GGACT: variants seen among roughly 807,000 people sequenced by gnomAD.
GGACT encodes gamma-glutamylaminecyclotransferase.
For synonymous variants in GGACT, 118 were observed against 115.3 expected (o/e 1.02, Z -0.15); for missense variants, 241 against 233.2 (o/e 1.03, Z -0.22).
intron 2 of GGACT, among the ~76,000 whole-genome samples, chr13:100,579,494 A>C (rs1875350033): frequency 1.3e-5 from 2 of 152,064 alleles, no homozygotes; most frequent in African/African-American, 4.8e-5. Context: ...ATAAAACCTA[A>C]AAATACTACT....
rs373993016 is a variant in GGACT, at chr13:100,532,469, C to A, written c.123G>T (p.Pro41=). ...TGTTGTGCTCCCCCGCGATCACCAACGGGTAGGGCTCCAGCGTGCGGCCGC... is the reference window on the plus strand; with the variant it reads ...TGTTGTGCTCCCCCGCGATCACCAAAGGGTAGGGCTCCAGCGTGCGGCCGC... The part of the protein sequence containing the change: ...RARGRTLEPY[P]LVIAGEHNIP... Residue 41 remains proline, a synonymous_variant, in exon 3 of 3, where the codon CCG becomes CCT. Coordinates refer to ENST00000683975, the MANE Select transcript of GGACT (RefSeq NM_001195087.2). 4.5e-6 allele frequency: 7 copies of A among 1,549,554 alleles called. No individual in the cohort carries two copies. The highest frequency in any genetic ancestry group is 6.1e-6 in the Non-Finnish European group (7 of 1,146,638).
At chr13:100,573,167 G>A (rs1875137876) in intron 2 of GGACT, among the ~76,000 whole-genome samples, 1 of 152,138 alleles carries the variant, frequency 6.6e-6, no homozygotes, top group Non-Finnish European at 1.5e-5. Flanking sequence ...GACACCCACA[G>A]TCCACTGGAC....
chr13:100,557,955 G>A (rs4278611), intron 2 of GGACT, among the ~76,000 whole-genome samples: 76,397 of 151,868 alleles, frequency 0.5, 19,820 homozygotes, highest in South Asian at 0.73. Flanking sequence ...AGGCCGAGGC[G>A]GGCGGATCAC....
chr13:100,530,384 TGA>T lies in GGACT; in HGVS notation c.*1744_*1745del, dbSNP rs2088320265. 1 of 610,534 alleles carries T rather than the reference TGA, an allele frequency of 1.6e-6. No individual in the cohort carries two copies. Among genetic ancestry groups the T allele is most frequent in the East Asian group, 2.8e-5 (1 of 35,894 alleles). 37.8% of individuals were successfully genotyped at this position (610,534 alleles called of 1,614,324 possible). A position where few individuals can be genotyped will look rare whatever the true frequency, so the allele number is the denominator to read the frequency against. ...GTACATATGATTTGTACTTCTGCTG[TGA>T]GATTCCCTAGTGTCAAAATTAAATC... is the stretch of plus-strand genomic sequence containing the variant. On this transcript the variant is annotated 3_prime_UTR_variant, in exon 3 of 3. Transcript: ENST00000683975.
intron 2 of GGACT, among the ~76,000 whole-genome samples, chr13:100,544,925 G>A (rs755252677): frequency 7.2e-5 from 11 of 152,364 alleles, no homozygotes; most frequent in Middle Eastern, 3.4e-3. Flanking sequence ...ATGGAGAACC[G>A]GCCAGGGCCA....
chr13:100,581,570 C>G (rs150170921), intron 2 of GGACT, among the ~76,000 whole-genome samples: 3 of 152,302 alleles, frequency 2.0e-5, no homozygotes, highest in Non-Finnish European at 4.4e-5. Flanking sequence ...AAACAGATAA[C>G]CCTCCTGCAC....
At chr13:100,568,440 C>A (rs1217411197) in intron 2 of GGACT, among the ~76,000 whole-genome samples, 1 of 152,210 alleles carries the variant, frequency 6.6e-6, no homozygotes, top group Admixed American at 6.5e-5. Flanking sequence ...AGTGAAGGGG[C>A]AAGCCCCTTA....
At chr13:100,577,427 A>AAATAAATAAATAAATG (rs1428901047) in intron 2 of GGACT, among the ~76,000 whole-genome samples, 98 of 147,678 alleles carry the variant, frequency 6.6e-4, no homozygotes, top group East Asian at 1.5e-3. Flanking sequence ...AAAAATAAAT[A>AAATAAATAAATAAATG]AATAAATAAA....
intron 2 of GGACT, among the ~76,000 whole-genome samples, chr13:100,562,979 T>C (rs914981570): frequency 6.6e-6 from 1 of 152,070 alleles, no homozygotes; most frequent in Non-Finnish European, 1.5e-5. Context: ...TTGCCTTGAA[T>C]TGCAAGCAGA....
intron 2 of GGACT, among the ~76,000 whole-genome samples, chr13:100,552,379 C>T (rs1381254524): frequency 2.0e-5 from 3 of 152,140 alleles, no homozygotes; most frequent in African/African-American, 7.2e-5. Flanking sequence ...GGGATTGATC[C>T]AAAATCTACA....
intron 2 of GGACT, among the ~76,000 whole-genome samples, chr13:100,571,671 G>A (rs1333234294): frequency 7.2e-5 from 11 of 152,126 alleles, no homozygotes; most frequent in South Asian, 2.1e-4. Context: ...AAACCCTGCC[G>A]TGTTTCAGCT....
At chr13:100,577,817 G>C (rs1875297211) in intron 2 of GGACT, among the ~76,000 whole-genome samples, 2 of 152,032 alleles carry the variant, frequency 1.3e-5, no homozygotes, top group Admixed American at 1.3e-4. Context: ...AGGAAAGTAG[G>C]GAGGGATGAA....
In GGACT at chr13:100,539,742, G is replaced by T. The variant is rs193077260; in HGVS notation, c.-10-7141C>A. 160 of 616,612 alleles carry T rather than the reference G, an allele frequency of 2.6e-4. No homozygotes were observed. In the Admixed American group the frequency reaches 4.5e-3, roughly 17 times the overall value. The allele number at this position is 616,612 out of a possible 1,614,324, so 38.2% of individuals were successfully genotyped here. On this transcript the variant is annotated intron_variant, in intron 2 of 2. Coordinates refer to ENST00000683975, the MANE Select transcript of GGACT (RefSeq NM_001195087.2). Reference sequence around the variant, plus strand: ...GTTCCTTCTTCTTCATTCTTTAGAAGAGTTTCAGGAGGACTGGTGTGAATT... The same window carrying T: ...GTTCCTTCTTCTTCATTCTTTAGAATAGTTTCAGGAGGACTGGTGTGAATT...
chr13:100,558,969 G>A (rs1336890982), intron 2 of GGACT, among the ~76,000 whole-genome samples: 1 of 152,170 alleles, frequency 6.6e-6, no homozygotes, highest in Non-Finnish European at 1.5e-5. Flanking sequence ...TGGAATTGGG[G>A]TGTAGGGGTG....
rs878896382 is a variant in GGACT at position 100,530,796 on chromosome 13, G to A, written c.*1334C>T. On this transcript the variant is annotated 3_prime_UTR_variant, in exon 3 of 3. Coordinates refer to ENST00000683975, the MANE Select transcript of GGACT (RefSeq NM_001195087.2). ...GTTGGCCGGGGGTGCTGTCTCCACT[G>A]TTTTTGTTTGTTTTGAGGATGAGCG... The A allele has an allele frequency of 1.8e-5, 3 of 167,296 alleles. No individual in the cohort carries two copies. Among genetic ancestry groups the A allele is most frequent in the Admixed American group, 1.7e-4 (3 of 17,614 alleles). 10.4% of individuals were successfully genotyped at this position (167,296 alleles called of 1,614,324 possible).
Position 100,556,827 on chromosome 13 carries a change from C to T in GGACT, c.-10-24226G>A, listed in dbSNP as rs868724315. 4.6e-5 allele frequency among the ~76,000 whole-genome samples: 7 copies of T among 152,084 alleles called. No homozygotes were observed. The South Asian group carries it at 1.0e-3, about 22-fold the overall frequency. On this transcript the variant is annotated intron_variant, in intron 2 of 2. Transcript: ENST00000683975. ...AATTAAAAAATAAAACTTATATAAA[C>T]ATTTGAAGGATCTAGAATAGCCAAA...
At chr13:100,557,046 C>T (rs944451422) in intron 2 of GGACT, among the ~76,000 whole-genome samples, 23 of 152,130 alleles carry the variant, frequency 1.5e-4, no homozygotes, top group East Asian at 7.9e-4. Flanking sequence ...TACACCACCA[C>T]GCCTGGTAAT....
intron 2 of GGACT, among the ~76,000 whole-genome samples, chr13:100,569,479 A>G (rs1875014121): frequency 6.6e-6 from 1 of 152,214 alleles, no homozygotes; most frequent in African/African-American, 2.4e-5. Flanking sequence ...AGCTGCAGCA[A>G]CTGGGAGGCA....
intron 2 of GGACT, among the ~76,000 whole-genome samples, chr13:100,548,061 C>T (rs751483436): frequency 6.6e-6 from 1 of 152,258 alleles, no homozygotes; most frequent in African/African-American, 2.4e-5. Flanking sequence ...CCAGCCCGCT[C>T]TCCACTTGTT....
Sources: gnomAD v4.1 joint callset for allele counts (sites outside exome capture counted in the v4.1 genomes callset) on GRCh38, gnomAD v4.1.1 for gene constraint, MANE v1.5 for transcripts, NCBI Gene and HGNC (gene_info 2026-07-23, HGNC 2026-07-21) for gene names.